Variants in JAKMIP1 observed in about 807,000 individuals in gnomAD.
The protein encoded by JAKMIP1 is janus kinase and microtubule-interacting protein 1.
A neutral mutation model predicts 113.0 loss-of-function variants in JAKMIP1; 33 were observed. That is an observed-to-expected ratio of 0.29 (90% CI 0.22 to 0.39). The LOEUF is 0.39. Ranked by LOEUF, JAKMIP1 falls within the 10% of genes least tolerant of loss-of-function variation. The probability of loss-of-function intolerance (pLI) is 1.00; values close to 1 mark genes in which losing one functional copy is unlikely to be tolerated. For missense variants in JAKMIP1, 813 were observed against 1,080.5 expected (o/e 0.75, Z 3.47); for synonymous variants, 480 against 459.9 (o/e 1.04, Z -0.56).
At chr4:6,027,464 G>A (rs1310215265) in intron 20 of JAKMIP1, among the ~76,000 whole-genome samples, 2 of 152,202 alleles carry the variant, frequency 1.3e-5, no homozygotes, top group Non-Finnish European at 1.5e-5. Context: ...GGGTGTGGCA[G>A]GAAAGAGTTT....
chr4:6,064,859 C>T lies in JAKMIP1; in HGVS notation c.1431+21G>A. ...GAGAGCATCTGGGGTGAGGTCCCGC[C>T]CTCTCTGCAGGTTTGCTTACATCGT... On this transcript the variant is annotated intron_variant, in intron 9 of 20. Transcript: ENST00000409021. The surrounding 1 kb of genome is among the most constrained non-coding windows in gnomAD (Gnocchi z 4.3). The T allele has an allele frequency of 1.9e-6, 3 of 1,613,658 alleles. No homozygotes were observed. The highest frequency in any genetic ancestry group is 1.7e-4 in the Middle Eastern group (1 of 5,786).
Position 6,137,561 on chromosome 4 carries a change from C to T in JAKMIP1, c.-147-24564G>A, listed in dbSNP as rs1719424028. On this transcript the variant is annotated intron_variant, in intron 1 of 20. Transcript: ENST00000409021. This position sits in a 1 kb window ranked among gnomAD's most constrained non-coding sequence, Gnocchi z 4.5. ...TGATTTGGTTGAACGTTCCAGATGG[C>T]CTCACTCGAGAGACGCTCTTTTTCA... Among the ~76,000 whole-genome samples the T allele has an allele frequency of 3.3e-5, 5 of 152,190 alleles. No individual in the cohort carries two copies.
intron 5 of JAKMIP1, 50 bp downstream of exon 5, chr4:6,084,796 C>T: frequency 1.3e-6 from 2 of 1,550,496 alleles, no homozygotes; most frequent in Non-Finnish European, 1.7e-6. Flanking sequence ...GGACTCAGGG[C>T]CCCTTCCTTG....
At chr4:6,053,980 T>A in intron 13 of JAKMIP1, 70 bp downstream of exon 13, 2 of 1,612,716 alleles carry the variant, frequency 1.2e-6, no homozygotes, top group Non-Finnish European at 1.7e-6. Flanking sequence ...GAGCTTTACA[T>A]GAATTTCAGT....
At chr4:6,169,419 C>CTG (rs1553860058) in intron 1 of JAKMIP1, among the ~76,000 whole-genome samples, 1 of 79,642 alleles carries the variant, frequency 1.3e-5, no homozygotes. Context: ...AACCAAGGAG[C>CTG]CAAGGACAGC....
At chr4:6,060,861 A>T (rs1193222105) in intron 10 of JAKMIP1, among the ~76,000 whole-genome samples, 1 of 152,250 alleles carries the variant, frequency 6.6e-6, no homozygotes, top group African/African-American at 2.4e-5. Flanking sequence ...ACCAAGTCCA[A>T]TCCTTACTGA....
intron 19 of JAKMIP1, among the ~76,000 whole-genome samples, chr4:6,035,430 T>C (rs555694224): frequency 1.3e-5 from 2 of 152,252 alleles, no homozygotes; most frequent in Non-Finnish European, 2.9e-5. Context: ...CATGAAGCCC[T>C]CAGCTCCCCA....
chr4:6,200,042 A>G lies in JAKMIP1; in HGVS notation c.-148+211T>C, dbSNP rs1258910568. Among the ~76,000 whole-genome samples, 1 of 116,608 alleles carries G rather than the reference A, an allele frequency of 8.6e-6. No homozygotes were observed. The highest frequency in any genetic ancestry group is 3.3e-5 in the African/African-American group (1 of 30,758). The allele number at this position is 116,608 out of a possible 152,430, so 76.5% of individuals were successfully genotyped here. On this transcript the variant is annotated intron_variant, in intron 1 of 20. Transcript: ENST00000409021. This position sits in a 1 kb window ranked among gnomAD's most constrained non-coding sequence, Gnocchi z 7.0. ...GTCTGAAGAGGAGTGGGGGATGGGT[A>G]TGGAAGGGTGGGGGACCACTGAGGT...
chr4:6,126,111 C>A, intron 1 of JAKMIP1, among the ~76,000 whole-genome samples: 1 of 145,002 alleles, frequency 6.9e-6, no homozygotes, highest in African/African-American at 2.6e-5. Flanking sequence ...CACACACAAA[C>A]ACACACCATG....
At chr4:6,071,734 G>A (rs529160597) in intron 8 of JAKMIP1, among the ~76,000 whole-genome samples, 20 of 152,324 alleles carry the variant, frequency 1.3e-4, no homozygotes, top group Admixed American at 9.8e-4. Flanking sequence ...CTCCAGGACC[G>A]GCACAGACGG....
intron 1 of JAKMIP1, among the ~76,000 whole-genome samples, chr4:6,115,071 C>T (rs1305738306): frequency 6.6e-6 from 1 of 152,130 alleles, no homozygotes; most frequent in Non-Finnish European, 1.5e-5. Context: ...ACAGAAAAGT[C>T]CACATGGGGA....
chr4:6,115,992 C>T (rs947913027), intron 1 of JAKMIP1, among the ~76,000 whole-genome samples: 1 of 152,120 alleles, frequency 6.6e-6, no homozygotes, highest in South Asian at 2.1e-4. Flanking sequence ...AAGCTCGATC[C>T]GATTCCAGGG....
chr4:6,167,988 C>A lies in JAKMIP1; in HGVS notation c.-148+32265G>T, dbSNP rs1374854832. Among the ~76,000 whole-genome samples the A allele has an allele frequency of 6.6e-6, 1 of 152,170 alleles. No individual in the cohort carries two copies. The highest frequency in any genetic ancestry group is 1.5e-5 in the Non-Finnish European group (1 of 68,038). On this transcript the variant is annotated intron_variant, in intron 1 of 20. Coordinates refer to ENST00000409021, the MANE Select transcript of JAKMIP1 (RefSeq NM_001099433.2). This position sits in a 1 kb window ranked among gnomAD's most constrained non-coding sequence, Gnocchi z 5.3. Reference sequence around the variant, plus strand: ...GGAGTCCGCCCATCCTCCACATCACCCGGTGTTCAACAGGGAAGACACACA... The same window carrying A: ...GGAGTCCGCCCATCCTCCACATCACACGGTGTTCAACAGGGAAGACACACA...
intron 1 of JAKMIP1, among the ~76,000 whole-genome samples, chr4:6,126,370 T>C (rs1455621656): frequency 1.4e-3 from 18 of 12,842 alleles, no homozygotes; most frequent in African/African-American, 4.4e-3. Flanking sequence ...AACACACACA[T>C]GCACAAACAC....
rs1203620307 is a variant in JAKMIP1 at position 6,176,956 on chromosome 4, C to T, written c.-148+23297G>A. Among the ~76,000 whole-genome samples, 2 of 152,134 alleles carry T rather than the reference C, an allele frequency of 1.3e-5. No homozygotes were observed. Among genetic ancestry groups the T allele is most frequent in the African/African-American group, 2.4e-5 (1 of 41,422 alleles). On this transcript the variant is annotated intron_variant, in intron 1 of 20. Coordinates refer to ENST00000409021, the MANE Select transcript of JAKMIP1 (RefSeq NM_001099433.2). The surrounding 1 kb of genome is among the most constrained non-coding windows in gnomAD (Gnocchi z 5.5). Reference sequence around the variant, plus strand: ...GCTGAGGTGGGAGGATCGCTTGCATCGGGGAGGTTGAGGCTGCAGTGAGCC... The same window carrying T: ...GCTGAGGTGGGAGGATCGCTTGCATTGGGGAGGTTGAGGCTGCAGTGAGCC...
At position 6,181,396 on chromosome 4, in the gene JAKMIP1, G is replaced by A. The variant is rs554805393; in HGVS notation, c.-148+18857C>T. On this transcript the variant is annotated intron_variant, in intron 1 of 20. Transcript: ENST00000409021. This position sits in a 1 kb window ranked among gnomAD's most constrained non-coding sequence, Gnocchi z 5.4. ...TGAGCTTACTGCCAGGTTACTACCA[G>A]GTCACTATCAGGTTACCACCAGCTC... 6.6e-6 allele frequency among the ~76,000 whole-genome samples: 1 copy of A among 152,230 alleles called. No individual in the cohort carries two copies. The highest frequency in any genetic ancestry group is 2.1e-4 in the South Asian group (1 of 4,822).
At chr4:6,058,166 G>A (rs1479962120) in intron 11 of JAKMIP1, among the ~76,000 whole-genome samples, 3 of 152,274 alleles carry the variant, frequency 2.0e-5, no homozygotes, top group Non-Finnish European at 2.9e-5. Context: ...ATGGAGGGCA[G>A]AGCAGGCCAC....
intron 1 of JAKMIP1, among the ~76,000 whole-genome samples, chr4:6,196,735 C>T (rs2109069984): frequency 6.6e-6 from 1 of 152,264 alleles, no homozygotes; most frequent in African/African-American, 2.4e-5. Context: ...GTGGCAGGTG[C>T]CTGTAATCCC....
intron 1 of JAKMIP1, among the ~76,000 whole-genome samples, chr4:6,171,034 C>T (rs1468122455): frequency 6.6e-6 from 1 of 150,824 alleles, no homozygotes; most frequent in East Asian, 2.0e-4. Context: ...ACCACCATCA[C>T]CACCCTCACC....
Sources: allele counts gnomAD v4.1 joint callset (sites outside exome capture counted in the v4.1 genomes callset), GRCh38; gene constraint gnomAD v4.1.1; non-coding constraint Gnocchi (gnomAD v3.1); transcripts MANE v1.5; gene names NCBI Gene and HGNC (gene_info 2026-07-23, HGNC 2026-07-21).